CLBA1: variants seen among roughly 807,000 people sequenced by gnomAD.
CLBA1 encodes the protein uncharacterized protein CLBA1.
In CLBA1, 30 loss-of-function variants were observed where a neutral mutation model predicts 28.8. That is an observed-to-expected ratio of 1.04 (90% confidence interval 0.78 to 1.41). The LOEUF is 1.41. Ranked by LOEUF, CLBA1 falls within the 40% of genes most tolerant of loss-of-function variation. The pLI, the probability that CLBA1 is intolerant of heterozygous loss-of-function variation, is 0.00. For missense variants in CLBA1, 451 were observed against 412.3 expected, an observed-to-expected ratio of 1.09 and a Z score of -0.81; for synonymous variants, 160 against 152.8, an observed-to-expected ratio of 1.05 and a Z score of -0.35.
downstream of CLBA1, among the ~76,000 whole-genome samples, chr14:104,997,351 G>T (rs185484077): frequency 7.2e-5 from 11 of 152,288 alleles, no homozygotes; most frequent in East Asian, 2.1e-3. Flanking sequence ...GACGACAGAG[G>T]GTCCAAGATC....
intron 3 of CLBA1, among the ~76,000 whole-genome samples, chr14:104,992,248 C>CCAAGCACACAT (rs1900055666): frequency 1.3e-5 from 2 of 152,060 alleles, no homozygotes; most frequent in African/African-American, 4.8e-5. Context: ...CAAGCACACA[C>CCAAGCACACAT]ACCACACACG....
intron 2 of CLBA1, chr14:104,989,707 G>C (rs776746603): frequency 4.4e-6 from 2 of 456,058 alleles, no homozygotes; most frequent in Non-Finnish European, 8.8e-6. Flanking sequence ...AGAAGCTCGA[G>C]GTAAGTTGGC....
At position 104,986,563 on chromosome 14, in the gene CLBA1, C is replaced by T. The variant is rs765371856; in HGVS notation, c.132C>T (p.Asp44=). The change falls in exon 1 of 5, where the codon GAC becomes GAT. Residue 44 remains aspartate (D), a synonymous_variant. Transcript: ENST00000547315. The stretch of plus-strand genomic sequence containing the variant: ...TGGAATGGAGACGGACCTGCCCCGA[C>T]CTTCTCCTGTCCGATGGGAAAGCCA... ...DSLEWRRTCP[D]LLLSDGKASI... 1.9e-6 allele frequency: 3 copies of T among 1,614,080 alleles called. No homozygotes were observed. Among genetic ancestry groups the T allele is most frequent in the Non-Finnish European group, 2.5e-6 (3 of 1,180,038 alleles).
At chr14:104,997,505 A>G (rs1232377447), downstream of CLBA1, among the ~76,000 whole-genome samples, 1 of 152,152 alleles carries the variant, frequency 6.6e-6, no homozygotes, top group Non-Finnish European at 1.5e-5. Context: ...AAATCCAAGA[A>G]TCTCTGTAAC....
downstream of CLBA1, among the ~76,000 whole-genome samples, chr14:104,997,810 A>AC (rs1900181474): frequency 1.3e-5 from 2 of 152,230 alleles, no homozygotes; most frequent in African/African-American, 4.8e-5. Context: ...GGAGTTTGAG[A>AC]CCAGCCTGGC....
chr14:104,991,653 G>A (rs749247657), intron 3 of CLBA1, 33 bp downstream of exon 3: 1 of 1,578,676 alleles, frequency 6.3e-7, no homozygotes, highest in South Asian at 1.2e-5. Context: ...GGGCTCCTGG[G>A]AGTGTGGTTG....
chr14:104,996,060 G>A (rs553292059), downstream of CLBA1, among the ~76,000 whole-genome samples: 2 of 152,276 alleles, frequency 1.3e-5, no homozygotes, highest in South Asian at 4.1e-4. Flanking sequence ...CAAGATTCGG[G>A]TTCAGACTGT....
intron 3 of CLBA1, among the ~76,000 whole-genome samples, chr14:104,992,060 G>A (rs1334322808): frequency 4.4e-5 from 5 of 112,640 alleles, no homozygotes; most frequent in Non-Finnish European, 7.1e-5. Flanking sequence ...CCACGCACAC[G>A]CCGCCACGCA....
chr14:104,988,882 A>G, intron 1 of CLBA1, 61 bp from the exon 2 acceptor site: 1 of 1,448,020 alleles, frequency 6.9e-7, no homozygotes, highest in East Asian at 2.3e-5. Context: ...TCTTTGGAAT[A>G]AGGTAACGTT....
Position 104,993,144 on chromosome 14 carries a change from G to A in CLBA1, c.816+80G>A, listed in dbSNP as rs895595016. Reference sequence around the variant, plus strand: ...TGTGGAGCCCTCCGCTTTCTCTGATGTGAGTCAGTTGCTTGTTTTCTTCCT... The same window carrying A: ...TGTGGAGCCCTCCGCTTTCTCTGATATGAGTCAGTTGCTTGTTTTCTTCCT... On this transcript the variant is annotated intron_variant, in intron 4 of 4. Coordinates refer to ENST00000547315, the MANE Select transcript of CLBA1 (RefSeq NM_174891.4). 14 of 1,546,894 alleles carry A rather than the reference G, an allele frequency of 9.1e-6. No homozygotes were observed. In the East Asian group the frequency reaches 2.3e-4, roughly 25 times the overall value.
chr14:104,998,974 C>T (rs1900214721), downstream of CLBA1, among the ~76,000 whole-genome samples: 1 of 152,250 alleles, frequency 6.6e-6, no homozygotes, highest in Non-Finnish European at 1.5e-5. Flanking sequence ...TCCCAGCTGT[C>T]TGCAGTCAGT....
rs1286584982 is a variant in CLBA1 at position 104,986,162 on chromosome 14, G to A, written c.-270G>A. 3.8e-6 allele frequency: 2 copies of A among 522,834 alleles called. No individual in the cohort carries two copies. The highest frequency in any genetic ancestry group is 2.2e-5 in the South Asian group (1 of 45,666). 32.4% of individuals were successfully genotyped at this position (522,834 alleles called of 1,614,324 possible). A position where few individuals can be genotyped will look rare whatever the true frequency, so the allele number is the denominator to read the frequency against. On this transcript the variant is annotated 5_prime_UTR_variant, in exon 1 of 5. Coordinates refer to ENST00000547315, the MANE Select transcript of CLBA1 (RefSeq NM_174891.4). ...CTCACACCTGCCGTGGGTCTGGTACGCGCCTCTGTGTCGGACTCCGCGCCC... is the reference window on the plus strand; with the variant it reads ...CTCACACCTGCCGTGGGTCTGGTACACGCCTCTGTGTCGGACTCCGCGCCC...
chr14:104,992,701 C>T (rs941281481), intron 3 of CLBA1, among the ~76,000 whole-genome samples: 2 of 152,162 alleles, frequency 1.3e-5, no homozygotes, highest in African/African-American at 2.4e-5. Flanking sequence ...TGAAAGTGGC[C>T]GTGAAGACAT....
At chr14:104,998,597 CTT>C (rs1372219198), downstream of CLBA1, among the ~76,000 whole-genome samples, 1 of 151,736 alleles carries the variant, frequency 6.6e-6, no homozygotes, top group African/African-American at 2.4e-5. Context: ...TAAAGACTTA[CTT>C]AATAGGCCCT....
chr14:104,992,771 C>T (rs750331283), intron 3 of CLBA1, among the ~76,000 whole-genome samples, 177 bp from the exon 4 acceptor site: 10 of 152,162 alleles, frequency 6.6e-5, no homozygotes, highest in Non-Finnish European at 1.0e-4. Flanking sequence ...GCCTGTGAGC[C>T]GGGCATGAGG....
downstream of CLBA1, among the ~76,000 whole-genome samples, chr14:104,998,672 G>A (rs373082207): frequency 1.1e-4 from 17 of 152,352 alleles, no homozygotes; most frequent in South Asian, 3.5e-3. Context: ...GAGGAATTAA[G>A]GCCTGGCCAA....
chr14:104,985,894 C>G lies in CLBA1; in HGVS notation c.-538C>G. The G allele has an allele frequency of 7.8e-6, 1 of 127,702 alleles. No homozygotes were observed. Among genetic ancestry groups the G allele is most frequent in the Non-Finnish European group, 1.4e-5 (1 of 71,112 alleles). The allele number at this position is 127,702 out of a possible 1,614,324, so 7.9% of individuals were successfully genotyped here. On this transcript the variant is annotated 5_prime_UTR_variant, in exon 1 of 5. Coordinates refer to ENST00000547315, the MANE Select transcript of CLBA1 (RefSeq NM_174891.4). Reference sequence around the variant, plus strand: ...GGCGACCAAGGTGGGTGCGGGGACTCTCGGGAGCCGTGGGCCAGGCGCTTA... The same window carrying G: ...GGCGACCAAGGTGGGTGCGGGGACTGTCGGGAGCCGTGGGCCAGGCGCTTA...
intron 4 of CLBA1, 88 bp from the exon 5 acceptor site, chr14:104,994,510 A>AGGCAGGGGGCG: frequency 6.7e-7 from 1 of 1,490,422 alleles, no homozygotes; most frequent in Non-Finnish European, 8.8e-7. Flanking sequence ...GGGGGCCGAG[A>AGGCAGGGGGCG]GGCAGGGGGC....
At chr14:104,996,827 G>T (rs1900165275), downstream of CLBA1, among the ~76,000 whole-genome samples, 3 of 152,250 alleles carry the variant, frequency 2.0e-5, no homozygotes, top group Admixed American at 2.0e-4. Flanking sequence ...GCGTCTGAAG[G>T]CCTAACTACA....
Sources: gnomAD v4.1 joint callset for allele counts (sites outside exome capture counted in the v4.1 genomes callset) on GRCh38, gnomAD v4.1.1 for gene constraint, MANE v1.5 for transcripts, NCBI Gene and HGNC (gene_info 2026-07-23, HGNC 2026-07-21) for gene names.